Variants in SEMA3D observed in about 807,000 individuals in gnomAD.
SEMA3D encodes semaphorin 3D, also known as semaphorin-3D.
Under a neutral mutation model 100.1 loss-of-function variants are expected in SEMA3D, and 84 were observed. The ratio of observed to expected loss-of-function variants is 0.84; its 90% confidence interval spans 0.70 to 1.01. SEMA3D has a LOEUF of 1.01. Ranked by LOEUF, SEMA3D falls within the 50% of genes least tolerant of loss-of-function variation. The probability of loss-of-function intolerance (pLI) is 0.00; values close to 1 mark genes in which losing one functional copy is unlikely to be tolerated. For missense variants in SEMA3D, 875 were observed against 934.1 expected (o/e 0.94, Z 0.82); for synonymous variants, 312 against 320.7 (o/e 0.97, Z 0.29).
Position 84,999,640 on chromosome 7 carries a change from T to C in SEMA3D, c.2134A>G (p.Arg712Gly). The change falls in exon 19 of 19, where the codon AGA (arginine) becomes GGA (glycine). Residue 712 changes from arginine (R) to glycine (G), a missense_variant. Coordinates refer to ENST00000284136, the MANE Select transcript of SEMA3D (RefSeq NM_001384900.1). ...VKDLLAESRL[R>G]YKDYIQILSS... ...AGGATTTGGATGTAGTCTTTGTATCTCAACCGTGACTCAGCCAATAGATCC... is the reference window on the plus strand; with the variant it reads ...AGGATTTGGATGTAGTCTTTGTATCCCAACCGTGACTCAGCCAATAGATCC... 1 of 1,614,062 alleles carries C rather than the reference T, an allele frequency of 6.2e-7. No individual in the cohort carries two copies. Among genetic ancestry groups the C allele is most frequent in the East Asian group, 2.2e-5 (1 of 44,852 alleles).
At position 85,100,235 on chromosome 7, in the gene SEMA3D, A is replaced by T. The variant is rs1276013901; in HGVS notation, c.152-2270T>A. 7.6e-4 allele frequency among the ~76,000 whole-genome samples: 116 copies of T among 152,058 alleles called. 2 individuals carry two copies. The highest frequency in any genetic ancestry group is 1.5e-4 in the Non-Finnish European group (10 of 67,926). ...AAGCTCTTTAATCCTTTTCAGGTGA[A>T]GTCACATGCCCTAAAGTTACAAAAC... On this transcript the variant is annotated intron_variant, in intron 3 of 18. Coordinates refer to ENST00000284136, the MANE Select transcript of SEMA3D (RefSeq NM_001384900.1).
At chr7:85,221,259 T>C in the SEMA3D span, among the ~76,000 whole-genome samples, 96 of 152,114 alleles carry the variant, frequency 6.3e-4, no homozygotes, top group Admixed American at 3.9e-3. Context: ...AAGAATATGA[T>C]TAAAAGGCAC....
intron 3 of SEMA3D, among the ~76,000 whole-genome samples, chr7:85,103,320 G>A (rs1788805623): frequency 6.6e-6 from 1 of 151,902 alleles, no homozygotes; most frequent in African/African-American, 2.4e-5. Context: ...CATCAAAGTT[G>A]AATAATAATA....
At chr7:85,040,008 G>A (rs1029028164) in intron 11 of SEMA3D, among the ~76,000 whole-genome samples, 22 of 126,026 alleles carry the variant, frequency 1.7e-4, no homozygotes, top group Admixed American at 1.0e-3. Context: ...ACAGGGTCTC[G>A]CTGTGTCACC....
chr7:85,127,164 T>C (rs1272495601), intron 2 of SEMA3D, among the ~76,000 whole-genome samples: 2 of 152,136 alleles, frequency 1.3e-5, no homozygotes, highest in Admixed American at 6.6e-5. Flanking sequence ...CTCTTTATGA[T>C]GGCCAATGAT....
chr7:85,140,659 C>T (rs895167819), intron 2 of SEMA3D: 24 of 976,012 alleles, frequency 2.5e-5, no homozygotes, highest in Middle Eastern at 5.3e-4. Context: ...CTGCAAGACA[C>T]GAACACATTA....
At chr7:85,166,654 T>C (rs1321332186) in intron 1 of SEMA3D, among the ~76,000 whole-genome samples, 1 of 151,872 alleles carries the variant, frequency 6.6e-6, no homozygotes, top group East Asian at 1.9e-4. Flanking sequence ...TACAAGCTTG[T>C]TAGTGACAGA....
At chr7:85,126,625 G>C (rs917553860) in intron 2 of SEMA3D, among the ~76,000 whole-genome samples, 1 of 152,072 alleles carries the variant, frequency 6.6e-6, no homozygotes, top group East Asian at 1.9e-4. Context: ...TTGCCAAATT[G>C]CTGCTCCTAT....
At chr7:85,199,174 A>G in the SEMA3D span, among the ~76,000 whole-genome samples, 1 of 152,164 alleles carries the variant, frequency 6.6e-6, no homozygotes, top group African/African-American at 2.4e-5. Flanking sequence ...TGTAATATTC[A>G]TGGTAATTTT....
At chr7:85,028,015 G>C (rs562945859) in intron 12 of SEMA3D, 1 of 573,034 alleles carries the variant, frequency 1.7e-6, no homozygotes, top group East Asian at 4.0e-5. Flanking sequence ...CCAATGAACC[G>C]TGCCAGCATG....
intron 2 of SEMA3D, among the ~76,000 whole-genome samples, chr7:85,148,450 A>G (rs1278859491): frequency 6.6e-6 from 1 of 152,192 alleles, no homozygotes; most frequent in Non-Finnish European, 1.5e-5. Flanking sequence ...AATAATCCAG[A>G]TAAGATTTCT....
At chr7:85,136,566 T>C (rs1789873401) in intron 2 of SEMA3D, among the ~76,000 whole-genome samples, 1 of 152,164 alleles carries the variant, frequency 6.6e-6, no homozygotes, top group South Asian at 2.1e-4. Flanking sequence ...AAGATTATTT[T>C]AGTTTAAAAC....
the SEMA3D span, among the ~76,000 whole-genome samples, chr7:85,236,921 T>G: frequency 6.6e-6 from 1 of 152,302 alleles, no homozygotes; most frequent in East Asian, 1.9e-4. Context: ...AATTTTAATT[T>G]TTATGTAATT....
intron 1 of SEMA3D, among the ~76,000 whole-genome samples, chr7:85,179,748 G>A (rs563418753): frequency 3.1e-4 from 47 of 150,542 alleles, no homozygotes; most frequent in African/African-American, 1.1e-3. Context: ...TGCAAGCTCC[G>A]CCTCCTGGGC....
intron 17 of SEMA3D, among the ~76,000 whole-genome samples, chr7:85,009,835 C>A (rs369414644): frequency 2.2e-4 from 34 of 151,742 alleles, no homozygotes; most frequent in African/African-American, 7.7e-4. Flanking sequence ...TTATTGTGTG[C>A]CTAACACACT....
chr7:85,122,508 C>T (rs1027757398), intron 2 of SEMA3D, among the ~76,000 whole-genome samples: 1 of 152,014 alleles, frequency 6.6e-6, no homozygotes, highest in Non-Finnish European at 1.5e-5. Context: ...ATCTGAAGAA[C>T]CAACTTTTGT....
chr7:85,050,937 ATGTG>A (rs1464321714), intron 9 of SEMA3D, among the ~76,000 whole-genome samples: 1 of 151,724 alleles, frequency 6.6e-6, no homozygotes, highest in Non-Finnish European at 1.5e-5. Context: ...TGTATGTGTG[ATGTG>A]TGTGTATGTG....
the SEMA3D span, among the ~76,000 whole-genome samples, chr7:85,193,588 A>T: frequency 6.6e-6 from 1 of 152,066 alleles, no homozygotes; most frequent in African/African-American, 2.4e-5. Flanking sequence ...TTAGCCTACC[A>T]CTTTGCAAGT....
chr7:85,029,155 A>T (rs1184061594), intron 12 of SEMA3D: 1 of 643,278 alleles, frequency 1.6e-6, no homozygotes, highest in African/African-American at 1.8e-5. Context: ...AAGGATAAAA[A>T]CCTACTTCGC....
Sources: allele counts gnomAD v4.1 joint callset (sites outside exome capture counted in the v4.1 genomes callset), GRCh38; gene constraint gnomAD v4.1.1; transcripts MANE v1.5; gene names NCBI Gene and HGNC (gene_info 2026-07-23, HGNC 2026-07-21).